DNAH12: variants seen among roughly 807,000 people sequenced by gnomAD.
The protein encoded by DNAH12 is axonemal beta dynein heavy chain 12.
Under a neutral mutation model 371.5 loss-of-function variants are expected in DNAH12, and 285 were observed. That is an observed-to-expected ratio of 0.77 (90% confidence interval 0.70 to 0.85). The LOEUF (loss-of-function observed/expected upper bound fraction) is 0.85, where lower values mean the gene tolerates loss of function less well. Among genes scored for constraint, DNAH12 ranks in the 40% least tolerant of loss-of-function variants. The pLI, the probability that DNAH12 is intolerant of heterozygous loss-of-function variation, is 0.00. For synonymous variants in DNAH12, 1,200 were observed against 1,213.0 expected, an observed-to-expected ratio of 0.99 and a Z score of 0.22; for missense variants, 3,611 against 3,689.4, an observed-to-expected ratio of 0.98 and a Z score of 0.55.
chr3:57,535,578 T>C (rs1000434422), intron 2 of DNAH12, among the ~76,000 whole-genome samples: 1 of 152,218 alleles, frequency 6.6e-6, no homozygotes, highest in Non-Finnish European at 1.5e-5. Context: ...GTTTTGCTCT[T>C]GTTGCCCAGG....
rs1175747362 is a variant in DNAH12, at chr3:57,296,878, G to A, written c.11501C>T (p.Thr3834Ile). Residue 3834 changes from threonine to isoleucine, a missense_variant, in exon 71 of 74, where the codon ACC (threonine) becomes ATC (isoleucine). Physicochemically the swap from Thr to Ile is moderately conservative, Grantham distance 89. Coordinates refer to ENST00000495027, the MANE Select transcript of DNAH12 (RefSeq NM_001366028.2). Reference protein sequence around the residue: ...AMQNYARKYTTPIDLLGYEFE... With the variant: ...AMQNYARKYTIPIDLLGYEFE... ...TTCATATCCTAGCAAATCAATAGGG[G>A]TGGTATATTTTCTGGCATAATTCTG... 3.2e-6 allele frequency: 5 copies of A among 1,551,614 alleles called. No individual in the cohort carries two copies. The highest frequency in any genetic ancestry group is 4.9e-5 in the East Asian group (2 of 40,904).
Position 57,334,781 on chromosome 3 carries a change from C to T in DNAH12, c.9833+1G>A. ...ATAAATCATCGAATTTAAACAATCA[C>T]CTGAGTCCTCTGAAGGCAGGAAATT... On this transcript the variant is annotated splice_donor_variant, in intron 61 of 73. Coordinates refer to ENST00000495027, the MANE Select transcript of DNAH12 (RefSeq NM_001366028.2). LOFTEE classifies it high-confidence loss of function. 1.3e-6 allele frequency: 2 copies of T among 1,547,204 alleles called. No individual in the cohort carries two copies. The highest frequency in any genetic ancestry group is 1.7e-6 in the Non-Finnish European group (2 of 1,145,826).
At chr3:57,418,226 A>C (rs959244323) in intron 37 of DNAH12, among the ~76,000 whole-genome samples, 17 of 151,890 alleles carry the variant, frequency 1.1e-4, no homozygotes, top group African/African-American at 4.1e-4. Flanking sequence ...CTTATTTAAA[A>C]GTATTATTCT....
chr3:57,300,900 C>A (rs970330251), intron 70 of DNAH12, among the ~76,000 whole-genome samples: 4 of 151,974 alleles, frequency 2.6e-5, no homozygotes, highest in Non-Finnish European at 5.9e-5. Flanking sequence ...AAGCAGTGTT[C>A]TGTCTGATGT....
At chr3:57,411,027 G>GA (rs369046182) in intron 39 of DNAH12, among the ~76,000 whole-genome samples, 30 of 151,422 alleles carry the variant, frequency 2.0e-4, no homozygotes, top group African/African-American at 7.0e-4. Context: ...GCAATAAGAT[G>GA]AAAAAAAAGG....
chr3:57,351,631 GT>G (rs1321211068), intron 60 of DNAH12, among the ~76,000 whole-genome samples: 1 of 152,144 alleles, frequency 6.6e-6, no homozygotes, highest in Non-Finnish European at 1.5e-5. Flanking sequence ...CAAAAGTAAT[GT>G]TGAGGAAAAG....
At chr3:57,322,855 G>A (rs761900247) in intron 64 of DNAH12, among the ~76,000 whole-genome samples, 152 bp downstream of exon 64, 8 of 152,212 alleles carry the variant, frequency 5.3e-5, no homozygotes, top group African/African-American at 9.6e-5. Flanking sequence ...GCTTGAACCC[G>A]GGAGGCGAAG....
At chr3:57,398,559 A>C (rs1256015375) in intron 43 of DNAH12, among the ~76,000 whole-genome samples, 2 of 152,224 alleles carry the variant, frequency 1.3e-5, no homozygotes, top group African/African-American at 2.4e-5. Context: ...AGAGAAAAGC[A>C]ACTTGTCATC....
chr3:57,519,617 C>G, intron 4 of DNAH12: 1 of 1,063,510 alleles, frequency 9.4e-7, no homozygotes, highest in Non-Finnish European at 1.5e-6. Context: ...CACTTGATAA[C>G]AAGATCCACC....
At chr3:57,447,170 T>C (rs148643317) in intron 25 of DNAH12, among the ~76,000 whole-genome samples, 3,917 of 152,348 alleles carry the variant, frequency 0.026, 69 homozygotes, top group Non-Finnish European at 0.034. Flanking sequence ...ACTCTTGGTA[T>C]GTTCTCCATT....
intron 15 of DNAH12, 128 bp downstream of exon 15, chr3:57,471,344 T>C: frequency 4.4e-6 from 3 of 674,506 alleles, no homozygotes; most frequent in Admixed American, 4.6e-5. Flanking sequence ...ATATGTAATA[T>C]ATAGAAAAAT....
intron 4 of DNAH12, among the ~76,000 whole-genome samples, chr3:57,519,381 T>G (rs1422815605): frequency 6.6e-6 from 1 of 152,204 alleles, no homozygotes; most frequent in Non-Finnish European, 1.5e-5. Flanking sequence ...GTGATTCAGT[T>G]TGGAGTTCTC....
At chr3:57,302,567 A>ATGTATTTTTTTTT (rs2061380979) in intron 69 of DNAH12, among the ~76,000 whole-genome samples, 1 of 27,480 alleles carries the variant, frequency 3.6e-5, no homozygotes, top group Non-Finnish European at 6.3e-5. Flanking sequence ...ATATATATGT[A>ATGTATTTTTTTTT]TTTTTTTTTT....
chr3:57,314,751 T>G, intron 65 of DNAH12, 120 bp from the exon 66 acceptor site: 6 of 1,074,688 alleles, frequency 5.6e-6, no homozygotes, highest in Non-Finnish European at 7.7e-6. Flanking sequence ...CTCTACAAAC[T>G]TCTATTTTAA....
At chr3:57,302,563 A>T (rs377426136) in intron 69 of DNAH12, among the ~76,000 whole-genome samples, 2,949 of 41,534 alleles carry the variant, frequency 0.071, 247 homozygotes, top group East Asian at 0.096. Flanking sequence ...ATATATATAT[A>T]TGTATTTTTT....
rs1225948466 is a variant in DNAH12, at chr3:57,444,773, G to A, written c.4469C>T (p.Ser1490Leu). The change falls in exon 29 of 74, where the codon TCA becomes TTA. Residue 1490 changes from serine (S) to leucine (L), a missense_variant. Ser to Leu is a moderately radical substitution (Grantham distance 145). This residue lies in a region of DNAH12 where 2,266 missense variants were observed against 2,236.9 expected (regional missense o/e 1.01). Coordinates refer to ENST00000495027, the MANE Select transcript of DNAH12 (RefSeq NM_001366028.2). ...IKDVNEPKFL[S>L]HDIPLFNGIT... ...TCCATTAAATAAAGGTATATCATGT[G>A]ATAAAAACTTTGGTTCATTTACATC... 1.3e-6 allele frequency: 2 copies of A among 1,547,680 alleles called. No homozygotes were observed. The highest frequency in any genetic ancestry group is 1.7e-6 in the Non-Finnish European group (2 of 1,145,718).
At chr3:57,347,209 C>T (rs1204451397) in intron 60 of DNAH12, among the ~76,000 whole-genome samples, 1 of 152,012 alleles carries the variant, frequency 6.6e-6, no homozygotes, top group Non-Finnish European at 1.5e-5. Context: ...ATGCAAAAAT[C>T]CTCAACAAAA....
intron 22 of DNAH12, among the ~76,000 whole-genome samples, chr3:57,456,541 T>C (rs1484125601): frequency 6.6e-6 from 1 of 152,192 alleles, no homozygotes; most frequent in Non-Finnish European, 1.5e-5. Flanking sequence ...ATTTATGACA[T>C]ATCCCCCTTT....
At position 57,428,780 on chromosome 3, in the gene DNAH12, A is replaced by G; in HGVS notation, c.5106T>C (p.Pro1702=). The G allele has an allele frequency of 6.5e-7, 1 of 1,548,896 alleles. No homozygotes were observed. Among genetic ancestry groups the G allele is most frequent in the South Asian group, 1.2e-5 (1 of 83,230 alleles). ...CAAGTGGTTCCCATCCTAACTGTGA[A>G]GGCTCCAAATAAATCATACCACAAC... ...VSRCGMIYLE[P]SQLGWEPLVS... Residue 1702 remains proline (P), a synonymous_variant, in exon 34 of 74, where the codon CCT becomes CCC. Transcript: ENST00000495027.
Sources: gnomAD v4.1 joint callset for allele counts (sites outside exome capture counted in the v4.1 genomes callset) on GRCh38, gnomAD v4.1.1 for gene constraint, gnomAD v4.1.1 regional missense constraint, MANE v1.5 for transcripts, NCBI Gene and HGNC (gene_info 2026-07-23, HGNC 2026-07-21) for gene names.